The following PSPC1 variants were observed in gnomAD, a reference collection of about 807,000 sequenced individuals.
The protein encoded by PSPC1 is paraspeckle protein 1.
Under a neutral mutation model 51.6 loss-of-function variants are expected in PSPC1, and 14 were observed. The observed-to-expected ratio is 0.27, with a 90% CI of 0.18 to 0.42. The LOEUF is 0.42. PSPC1 is among the 10% of genes least tolerant of loss of function. PSPC1 has a pLI of 1.00. For missense variants in PSPC1, 406 were observed against 701.1 expected (o/e 0.58, Z 4.75); for synonymous variants, 193 against 231.9 (o/e 0.83, Z 1.53).
chr13:19,677,939 C>A, intron 6 of PSPC1: 1 of 417,578 alleles, frequency 2.4e-6, no homozygotes, highest in Non-Finnish European at 4.8e-6. Flanking sequence ...GGTTTCGATA[C>A]CATGTAGTGC....
intron 1 of PSPC1, among the ~76,000 whole-genome samples, chr13:19,779,379 G>A (rs1889619893): frequency 1.0e-5 from 1 of 100,482 alleles, no homozygotes; most frequent in Admixed American, 9.2e-5. Context: ...GGAGGGAGGT[G>A]GGGGGGTCAG....
At chr13:19,772,756 T>C (rs1169434094) in intron 1 of PSPC1, among the ~76,000 whole-genome samples, 2 of 152,230 alleles carry the variant, frequency 1.3e-5, no homozygotes. Context: ...CATTGTTTTG[T>C]TAAAAGTAAT....
chr13:19,751,166 A>G, intron 4 of PSPC1, 105 bp downstream of exon 4: 1 of 841,122 alleles, frequency 1.2e-6, no homozygotes, highest in Non-Finnish European at 1.7e-6. Context: ...TTCCAACTTT[A>G]CCTCTAAACT....
intron 2 of PSPC1, among the ~76,000 whole-genome samples, chr13:19,770,364 A>C (rs2138291364): frequency 6.6e-6 from 1 of 152,322 alleles, no homozygotes; most frequent in Non-Finnish European, 1.5e-5. Context: ...TGTTTGTTAA[A>C]ACTCACTGAG....
chr13:19,693,181 A>G (rs1878773013), intron 6 of PSPC1, among the ~76,000 whole-genome samples: 2 of 151,960 alleles, frequency 1.3e-5, no homozygotes, highest in Non-Finnish European at 2.9e-5. Flanking sequence ...AATGCTCCTT[A>G]CCCTCTCGTG....
At chr13:19,763,961 C>T (rs142871423) in intron 2 of PSPC1, among the ~76,000 whole-genome samples, 1 of 152,186 alleles carries the variant, frequency 6.6e-6, no homozygotes, top group African/African-American at 2.4e-5. Context: ...AGAGATCACA[C>T]CACTGCACTC....
intron 6 of PSPC1, among the ~76,000 whole-genome samples, chr13:19,693,798 T>C (rs936197758): frequency 1.3e-5 from 2 of 152,108 alleles, no homozygotes; most frequent in African/African-American, 4.8e-5. Flanking sequence ...GCTCAGGAAA[T>C]TAATCTCACA....
intron 5 of PSPC1, among the ~76,000 whole-genome samples, chr13:19,736,324 T>C (rs1884776539): frequency 6.6e-6 from 1 of 152,132 alleles, no homozygotes; most frequent in African/African-American, 2.4e-5. Flanking sequence ...GTTAATTGAA[T>C]TTTAGATTAA....
intron 1 of PSPC1, among the ~76,000 whole-genome samples, chr13:19,781,348 C>T (rs772285015): frequency 2.2e-4 from 34 of 151,852 alleles, no homozygotes; most frequent in East Asian, 1.9e-4. Context: ...GATGGAGTTT[C>T]GCCATGTTGG....
At chr13:19,738,729 A>C (rs972257139) in intron 5 of PSPC1, among the ~76,000 whole-genome samples, 176 of 152,172 alleles carry the variant, frequency 1.2e-3, no homozygotes, top group Admixed American at 1.1e-3. Context: ...AACACGGTGA[A>C]ACCCCGTCTC....
rs56662113 is a variant in PSPC1 at position 19,728,439 on chromosome 13, A to AACACACACACACAC, written c.1158+1786_1158+1799dup. 9.5e-3 allele frequency among the ~76,000 whole-genome samples: 1,372 copies of AACACACACACACAC among 144,358 alleles called. 11 individuals are homozygous for AACACACACACACAC. The highest frequency in any genetic ancestry group is 0.014 in the African/African-American group (517 of 36,852). The allele number at this position is 144,358 out of a possible 152,430, so 94.7% of individuals were successfully genotyped here. On this transcript the variant is annotated intron_variant, in intron 6 of 8. Transcript: ENST00000338910. ...TAAGAGGGCCTAATTTCAAAGCTTA[A>AACACACACACACAC]ACACACACACACACACACACACACA...
At chr13:19,677,797 A>G (rs1241557751) in exon 7 of PSPC1, 1 of 491,516 alleles carries the variant, frequency 2.0e-6, no homozygotes, top group South Asian at 1.5e-5. Context: ...ACTTCGGGTA[A>G]CTTCAGCCAC....
intron 1 of PSPC1, among the ~76,000 whole-genome samples, chr13:19,775,481 A>T (rs916217000): frequency 6.6e-6 from 1 of 152,220 alleles, no homozygotes; most frequent in Non-Finnish European, 1.5e-5. Context: ...GGAGGATTGC[A>T]TGGGTAACAT....
chr13:19,676,934 T>C (rs1169687880), intron 7 of PSPC1, among the ~76,000 whole-genome samples: 1 of 152,174 alleles, frequency 6.6e-6, no homozygotes, highest in Non-Finnish European at 1.5e-5. Context: ...GGATCCATTT[T>C]TAAGATTACA....
At chr13:19,710,183 A>C (rs1881213737) in intron 6 of PSPC1, among the ~76,000 whole-genome samples, 2 of 152,186 alleles carry the variant, frequency 1.3e-5, no homozygotes, top group African/African-American at 4.8e-5. Flanking sequence ...CAATTACTGA[A>C]AGCTCGACAT....
At chr13:19,719,350 A>G (rs1354236294) in intron 6 of PSPC1, among the ~76,000 whole-genome samples, 1 of 152,062 alleles carries the variant, frequency 6.6e-6, no homozygotes, top group Non-Finnish European at 1.5e-5. Flanking sequence ...AATAATAATA[A>G]ATCAAGATGA....
chr13:19,764,113 A>G (rs981947930), intron 2 of PSPC1, among the ~76,000 whole-genome samples: 1 of 152,202 alleles, frequency 6.6e-6, no homozygotes, highest in Non-Finnish European at 1.5e-5. Flanking sequence ...TTATTTACAA[A>G]AAAACTTGAA....
chr13:19,700,379 C>G (rs1274566683), downstream of PSPC1, among the ~76,000 whole-genome samples: 2 of 151,952 alleles, frequency 1.3e-5, no homozygotes, highest in African/African-American at 4.8e-5. Context: ...TATTGTTCCC[C>G]TAATATTATT....
intron 2 of PSPC1, among the ~76,000 whole-genome samples, chr13:19,771,287 A>G (rs1054738969): frequency 1.3e-5 from 2 of 152,022 alleles, no homozygotes; most frequent in African/African-American, 4.8e-5. Flanking sequence ...ACAGGCACGC[A>G]GCACCAAGCC....
Sources: allele counts gnomAD v4.1 joint callset (sites outside exome capture counted in the v4.1 genomes callset), GRCh38; gene constraint gnomAD v4.1.1; transcripts MANE v1.5; gene names NCBI Gene and HGNC (gene_info 2026-07-23, HGNC 2026-07-21).